The following CPSF7 variants were observed in gnomAD, a reference collection of about 807,000 sequenced individuals.
The protein encoded by CPSF7 is cleavage and polyadenylation specificity factor subunit 7.
In CPSF7, 1 loss-of-function variant was observed where a neutral mutation model predicts 44.3. The observed-to-expected ratio is 0.02, with a 90% CI of 0.01 to 0.11. CPSF7 has a LOEUF of 0.11. Ranked by LOEUF, CPSF7 falls within the 10% of genes least tolerant of loss-of-function variation. The pLI, the probability that CPSF7 is intolerant of heterozygous loss-of-function variation, is 1.00. For missense variants in CPSF7, 443 were observed against 607.2 expected, an observed-to-expected ratio of 0.73 and a Z score of 2.84; for synonymous variants, 202 against 222.0, an observed-to-expected ratio of 0.91 and a Z score of 0.80.
At chr11:61,429,349 G>C in intron 1 of CPSF7, 59 bp from the exon 2 acceptor site, 1 of 1,030,328 alleles carries the variant, frequency 9.7e-7, no homozygotes, top group Non-Finnish European at 1.5e-6. Context: ...GCTGGGAAGA[G>C]GGTAATGATT....
At position 61,415,992 on chromosome 11, in the gene CPSF7, G is replaced by T. The variant is rs1860297038; in HGVS notation, c.938+113C>A. On this transcript the variant is annotated intron_variant, in intron 6 of 9. Coordinates refer to ENST00000439958, the MANE Select transcript of CPSF7 (RefSeq NM_001142565.3). ...CCCAGGAGTCAATGCTATGATAACA[G>T]AATGTCTATAAGGGAAAGAACAAGG... 5 of 1,069,756 alleles carry T rather than the reference G, an allele frequency of 4.7e-6. No individual in the cohort carries two copies. The South Asian group carries it at 8.4e-5, about 18-fold the overall frequency. The allele number at this position is 1,069,756 out of a possible 1,614,324, so 66.3% of individuals were successfully genotyped here. A position where few individuals can be genotyped will look rare whatever the true frequency, so the allele number is the denominator to read the frequency against.
chr11:61,408,396 C>T (rs568626968), intron 9 of CPSF7, among the ~76,000 whole-genome samples: 1 of 152,142 alleles, frequency 6.6e-6, no homozygotes, highest in East Asian at 1.9e-4. Context: ...TGTGAGCCAC[C>T]GTGCTCGGCC....
intron 2 of CPSF7, chr11:61,428,849 C>T (rs560951576): frequency 1.6e-4 from 29 of 178,546 alleles, no homozygotes; most frequent in Non-Finnish European, 3.3e-4. Context: ...TCATGAATAC[C>T]GTAGCAAATG....
intron 1 of CPSF7, chr11:61,429,549 T>G: frequency 1.7e-6 from 1 of 589,138 alleles, no homozygotes; most frequent in Admixed American, 3.6e-5. Flanking sequence ...GACGGAAAAG[T>G]CCCACCCTCG....
At chr11:61,429,350 G>T in intron 1 of CPSF7, 60 bp from the exon 2 acceptor site, 1 of 1,007,636 alleles carries the variant, frequency 9.9e-7, no homozygotes, top group Non-Finnish European at 1.6e-6. Flanking sequence ...CTGGGAAGAG[G>T]GTAATGATTG....
chr11:61,420,122 G>A, intron 4 of CPSF7, 28 bp from the exon 5 acceptor site: 1 of 1,554,732 alleles, frequency 6.4e-7, no homozygotes, highest in Non-Finnish European at 8.8e-7. Flanking sequence ...AAAAATGAAT[G>A]AAATCTGTAG....
chr11:61,411,202 CCTCTATTA>C, intron 8 of CPSF7, 97 bp from the exon 9 acceptor site: 1 of 1,242,242 alleles, frequency 8.0e-7, no homozygotes, highest in Non-Finnish European at 1.1e-6. Context: ...CTAAACTATT[CCTCTATTA>C]CTCTATCATG....
Position 61,428,081 on chromosome 11 carries a change from A to G in CPSF7, c.54+1101T>C, listed in dbSNP as rs1861563701. 2.0e-5 allele frequency among the ~76,000 whole-genome samples: 3 copies of G among 152,264 alleles called. No individual in the cohort carries two copies. The South Asian group carries it at 6.2e-4, about 31-fold the overall frequency. ...GAATGGTGCTGAAAATAACCCAGGC[A>G]AGATATTAGTACGTTTTCAATAGAA... On this transcript the variant is annotated intron_variant, in intron 2 of 9. Coordinates refer to ENST00000439958, the MANE Select transcript of CPSF7 (RefSeq NM_001142565.3).
At chr11:61,408,608 T>C (rs1020195467) in intron 9 of CPSF7, among the ~76,000 whole-genome samples, 5 of 152,212 alleles carry the variant, frequency 3.3e-5, no homozygotes, top group Admixed American at 6.5e-5. Context: ...CCTGCTCCTA[T>C]ATGCTTATAT....
intron 5 of CPSF7, among the ~76,000 whole-genome samples, chr11:61,417,510 T>C (rs1198155709): frequency 6.6e-6 from 1 of 152,208 alleles, no homozygotes; most frequent in Non-Finnish European, 1.5e-5. Context: ...GATAGAAAGA[T>C]GCCACTGGCA....
chr11:61,406,100 C>A (rs1304811220), intron 9 of CPSF7: 1 of 152,176 alleles, frequency 6.6e-6, no homozygotes, highest in Non-Finnish European at 1.5e-5. Context: ...GTTGAAGACA[C>A]AGGTTGCAGA....
At chr11:61,429,865 C>T in intron 1 of CPSF7, 49 bp downstream of exon 1, 2 of 1,538,486 alleles carry the variant, frequency 1.3e-6, no homozygotes, top group South Asian at 1.2e-5. Flanking sequence ...AGTGCCGGCC[C>T]GGACCCCTCT....
intron 2 of CPSF7, among the ~76,000 whole-genome samples, chr11:61,424,471 G>C (rs753677617): frequency 1.2e-4 from 19 of 152,006 alleles, no homozygotes; most frequent in Non-Finnish European, 2.5e-4. Context: ...CTTTTTTTCT[G>C]AGATAGAGTC....
At chr11:61,423,124 A>AAAAAAT (rs1861041305) in intron 2 of CPSF7, among the ~76,000 whole-genome samples, 1 of 149,692 alleles carries the variant, frequency 6.7e-6, no homozygotes. Context: ...AAAAAAAAAA[A>AAAAAAT]AAAAAAGGGT....
At position 61,416,526 on chromosome 11, in the gene CPSF7, A is replaced by G. The variant is rs1401288861; in HGVS notation, c.524-7T>C. The G allele has an allele frequency of 3.1e-6, 5 of 1,613,786 alleles. No homozygotes were observed. Among genetic ancestry groups the G allele is most frequent in the Admixed American group, 1.7e-5 (1 of 59,980 alleles). On this transcript the variant is annotated splice_region_variant and splice_polypyrimidine_tract_variant and intron_variant, in intron 5 of 9. Transcript: ENST00000439958. ...TGGGCCCGTGGAGGTATTCCTATGA[A>G]GCAAAACAGAACTGATGTTACTGCC... is the stretch of plus-strand genomic sequence containing the variant.
chr11:61,408,843 G>C (rs1859573862), intron 9 of CPSF7, among the ~76,000 whole-genome samples: 5 of 152,190 alleles, frequency 3.3e-5, no homozygotes, highest in Admixed American at 3.3e-4. Flanking sequence ...CATTACTTAA[G>C]AGTTTTTATC....
At chr11:61,422,283 G>A (rs1860953744) in intron 2 of CPSF7, among the ~76,000 whole-genome samples, 1 of 151,302 alleles carries the variant, frequency 6.6e-6, no homozygotes, top group Admixed American at 6.6e-5. Flanking sequence ...TGACATACAG[G>A]CCCAATGCAT....
intron 5 of CPSF7, among the ~76,000 whole-genome samples, chr11:61,418,245 G>A (rs1860523955): frequency 6.6e-6 from 1 of 152,168 alleles, no homozygotes; most frequent in Non-Finnish European, 1.5e-5. Flanking sequence ...GCACTATTTT[G>A]AGAGCTGGAC....
Position 61,420,092 on chromosome 11 carries a change from T to A in CPSF7, c.380A>T (p.Tyr127Phe). ...TTCAGAGGCTACCACCACCTCAGCA[T>A]ACCTTAGGAAAGAAAAATTAAAAAT... is the stretch of plus-strand genomic sequence containing the variant. ...ENRANGQSKG[Y>F]AEVVVASENS... is the part of the protein sequence containing the mutation. Residue 127 changes from tyrosine (Y) to phenylalanine (F), a missense_variant and splice_region_variant, in exon 5 of 10, where the codon TAT (tyrosine) becomes TTT (phenylalanine). Transcript: ENST00000439958. 1 of 1,609,476 alleles carries A rather than the reference T, an allele frequency of 6.2e-7. No individual in the cohort carries two copies. The highest frequency in any genetic ancestry group is 8.5e-7 in the Non-Finnish European group (1 of 1,177,316).
Sources: gnomAD v4.1 joint callset for allele counts (sites outside exome capture counted in the v4.1 genomes callset) on GRCh38, gnomAD v4.1.1 for gene constraint, MANE v1.5 for transcripts, NCBI Gene and HGNC (gene_info 2026-07-23, HGNC 2026-07-21) for gene names.